Variants in IFT22 observed in about 807,000 individuals in gnomAD.
The protein encoded by IFT22 is intraflagellar transport 22, also known as intraflagellar transport protein 22 homolog.
In IFT22, 13 loss-of-function variants were observed where a neutral mutation model predicts 21.0. The ratio of observed to expected loss-of-function variants is 0.62; its 90% CI spans 0.40 to 0.98. The LOEUF is 0.98. IFT22 is among the 50% of genes least tolerant of loss of function. The pLI, the probability that IFT22 is intolerant of heterozygous loss-of-function variation, is 0.00. For synonymous variants in IFT22, 67 were observed against 82.4 expected (o/e 0.81, Z 1.01); for missense variants, 227 against 228.9 (o/e 0.99, Z 0.06).
At chr7:101,319,641 C>CTTTTTT (rs11443697) in intron 1 of IFT22, among the ~76,000 whole-genome samples, 6 of 111,766 alleles carry the variant, frequency 5.4e-5, no homozygotes, top group East Asian at 2.8e-4. Context: ...ATACACATTG[C>CTTTTTT]TTTTTTTTTT....
At chr7:101,316,611 G>T (rs1172466875) in intron 3 of IFT22, 69 bp from the exon 4 acceptor site, 15 of 1,500,170 alleles carry the variant, frequency 1.0e-5, no homozygotes, top group African/African-American at 1.4e-5. Flanking sequence ...ACTTTAAAAA[G>T]AATATCTTAG....
chr7:101,318,923 G>C, intron 2 of IFT22, 33 bp downstream of exon 2: 1 of 1,551,860 alleles, frequency 6.4e-7, no homozygotes, highest in Non-Finnish European at 8.9e-7. Flanking sequence ...GAGCCAGTTG[G>C]ACACTCTGGG....
At chr7:101,315,612 C>A in intron 4 of IFT22, 1 of 282,304 alleles carries the variant, frequency 3.5e-6, no homozygotes, top group East Asian at 1.0e-4. Flanking sequence ...GGAGGTTTTT[C>A]TCCAGAAAAG....
chr7:101,312,530 GTTGTTT>G lies in IFT22; in HGVS notation c.*2598_*2603del, dbSNP rs1487761640. 1.6e-5 allele frequency among the ~76,000 whole-genome samples: 2 copies of G among 126,604 alleles called. No individual in the cohort carries two copies. The highest frequency in any genetic ancestry group is 2.5e-4 in the East Asian group (1 of 4,070). 83.1% of individuals were successfully genotyped at this position (126,604 alleles called of 152,430 possible). A position where few individuals can be genotyped will look rare whatever the true frequency, so the allele number is the denominator to read the frequency against. On this transcript the variant is annotated 3_prime_UTR_variant, in exon 5 of 5. Transcript: ENST00000315322. ...AAATAAATATAATGTTTTGGAGAGA[GTTGTTT>G]TTTTTTTTTTTTTTTTTGTGACGGA...
In IFT22 at chr7:101,313,452, C is replaced by T. The variant is rs919243865; in HGVS notation, c.*1682G>A. 1 of 152,040 alleles carries T rather than the reference C, an allele frequency of 6.6e-6. No homozygotes were observed. The highest frequency in any genetic ancestry group is 1.5e-5 in the Non-Finnish European group (1 of 68,136). 9.4% of individuals were successfully genotyped at this position (152,040 alleles called of 1,614,324 possible). A position where few individuals can be genotyped will look rare whatever the true frequency, so the allele number is the denominator to read the frequency against. ...GCGGGTTCAGGCAATTCTGCCTCACCCTTCTGAGTAGCTGGGACTACAGGC... is the reference window on the plus strand; with the variant it reads ...GCGGGTTCAGGCAATTCTGCCTCACTCTTCTGAGTAGCTGGGACTACAGGC... On this transcript the variant is annotated 3_prime_UTR_variant, in exon 5 of 5. Coordinates refer to ENST00000315322, the MANE Select transcript of IFT22 (RefSeq NM_022777.4).
intron 1 of IFT22, chr7:101,321,394 C>A: frequency 2.1e-6 from 1 of 480,252 alleles, no homozygotes; most frequent in Non-Finnish European, 3.7e-6. Context: ...GTCACGAAAC[C>A]TAGGCTATGG....
chr7:101,311,026 C>T lies in IFT22; in HGVS notation c.*4108G>A. On this transcript the variant is annotated 3_prime_UTR_variant, in exon 5 of 5. Coordinates refer to ENST00000315322, the MANE Select transcript of IFT22 (RefSeq NM_022777.4). ...TTTTTTTTTTTGAGATGGAGTCTCG[C>T]TCTGTCGCCCAGGCTGGAGTGCAGT... The T allele has an allele frequency of 3.4e-6, 1 of 290,318 alleles. No individual in the cohort carries two copies. Among genetic ancestry groups the T allele is most frequent in the Non-Finnish European group, 6.6e-6 (1 of 150,436 alleles). The allele number at this position is 290,318 out of a possible 1,614,324, so 18.0% of individuals were successfully genotyped here.
Position 101,316,534 on chromosome 7 carries a change from G to A in IFT22, c.215C>T (p.Ser72Phe). ...WDCGGDAKFESCWPALMKDAH... is the reference protein window; with the variant it reads ...WDCGGDAKFEFCWPALMKDAH... Reference sequence around the variant, plus strand: ...ATCCTTCATCAGGGCCGGCCAGCAGGACTCAAACCTGCGAGGAAGAAAAGG... The same window carrying A: ...ATCCTTCATCAGGGCCGGCCAGCAGAACTCAAACCTGCGAGGAAGAAAAGG... The change falls in exon 4 of 5, where the codon TCC (serine) becomes TTC (phenylalanine). Residue 72 changes from serine (S) to phenylalanine (F), a missense_variant. By Grantham distance (155) the Ser-to-Phe change is radical. Transcript: ENST00000315322. 5.0e-6 allele frequency: 8 copies of A among 1,613,996 alleles called. No individual in the cohort carries two copies. Among genetic ancestry groups the A allele is most frequent in the Non-Finnish European group, 5.9e-6 (7 of 1,179,946 alleles).
chr7:101,318,519 CAAA>C (rs368413526), intron 2 of IFT22: 4 of 241,066 alleles, frequency 1.7e-5, no homozygotes, highest in Non-Finnish European at 3.2e-5. Flanking sequence ...GACTCCATCC[CAAA>C]AAAAAAAGAC....
intron 2 of IFT22, 96 bp downstream of exon 2, chr7:101,318,860 C>A: frequency 2.1e-6 from 2 of 967,036 alleles, no homozygotes; most frequent in Non-Finnish European, 1.7e-6. Flanking sequence ...TCAGGCGATC[C>A]TCCCGCTTTG....
intron 3 of IFT22, among the ~76,000 whole-genome samples, chr7:101,317,214 C>G (rs4729685): frequency 0.54 from 81,311 of 151,684 alleles, 22,484 homozygotes; most frequent in African/African-American, 0.67. Context: ...GCTTGAGTGC[C>G]GTAGCACGAT....
chr7:101,321,734 C>T lies in IFT22; in HGVS notation c.-25G>A, dbSNP rs750569015. 2 of 1,583,948 alleles carry T rather than the reference C, an allele frequency of 1.3e-6. No individual in the cohort carries two copies. The highest frequency in any genetic ancestry group is 1.7e-6 in the Non-Finnish European group (2 of 1,164,830). On this transcript the variant is annotated 5_prime_UTR_variant, in exon 1 of 5. Transcript: ENST00000315322. ...TAGTTGTCCGCCGCGGCTTAGCCGG[C>T]CGGAGCCCACGGGAGGCGGCGCGTC... is the stretch of plus-strand genomic sequence containing the variant.
In IFT22 at chr7:101,316,443, C is replaced by G. The variant is rs1387440009; in HGVS notation, c.306G>C (p.Trp102Cys). Residue 102 changes from tryptophan (W) to cysteine (C), a missense_variant, in exon 4 of 5, where the codon TGG becomes TGC. Coordinates refer to ENST00000315322, the MANE Select transcript of IFT22 (RefSeq NM_022777.4). Reference protein sequence around the residue: ...IPSHRKEMEMWYSCFVQQPSL... With the variant: ...IPSHRKEMEMCYSCFVQQPSL... ...ACGGCTGTTGGACAAAGCAGGAATA[C>G]CACATCTCCATTTCCTTCCGGTGGC... 6.2e-7 allele frequency: 1 copy of G among 1,614,138 alleles called. No homozygotes were observed. Among genetic ancestry groups the G allele is most frequent in the Admixed American group, 1.7e-5 (1 of 60,002 alleles).
intron 2 of IFT22, chr7:101,318,428 G>A (rs560049090): frequency 1.1e-4 from 43 of 402,422 alleles, no homozygotes; most frequent in African/African-American, 7.3e-4. Context: ...GCTAAGGCAG[G>A]AGAATCGCTT....
chr7:101,311,154 C>T lies in IFT22; in HGVS notation c.*3980G>A, dbSNP rs1006741087. The stretch of plus-strand genomic sequence containing the variant: ...GACTACAGGTGCCCGCCACCACACC[C>T]GGCTTATTTTTTGTATTTTTAGTAG... On this transcript the variant is annotated 3_prime_UTR_variant, in exon 5 of 5. Coordinates refer to ENST00000315322, the MANE Select transcript of IFT22 (RefSeq NM_022777.4). Among the ~76,000 whole-genome samples the T allele has an allele frequency of 4.6e-5, 7 of 151,876 alleles. No individual in the cohort carries two copies. Among genetic ancestry groups the T allele is most frequent in the Non-Finnish European group, 8.8e-5 (6 of 67,970 alleles).
intron 1 of IFT22, among the ~76,000 whole-genome samples, chr7:101,321,155 CAA>C (rs1003203619): frequency 2.0e-5 from 3 of 151,582 alleles, no homozygotes; most frequent in Non-Finnish European, 2.9e-5. Flanking sequence ...AAAAACAAAA[CAA>C]AACAAAAACA....
chr7:101,316,271 A>ACATG (rs752252869), intron 4 of IFT22, 69 bp downstream of exon 4: 1 of 1,459,796 alleles, frequency 6.9e-7, no homozygotes, highest in Non-Finnish European at 9.6e-7. Flanking sequence ...GGTTTCTAGG[A>ACATG]CATGGGACAA....
intron 3 of IFT22, 76 bp from the exon 4 acceptor site, chr7:101,316,618 T>G (rs1184390104): frequency 1.3e-6 from 2 of 1,483,518 alleles, no homozygotes; most frequent in Non-Finnish European, 1.9e-6. Context: ...AAAGAATATC[T>G]TAGTATTAAA....
chr7:101,321,533 C>T, intron 1 of IFT22, 138 bp downstream of exon 1: 3 of 798,396 alleles, frequency 3.8e-6, no homozygotes, highest in East Asian at 5.8e-5. Flanking sequence ...AGGGCAGGGG[C>T]GCCAGTCGGG....
Sources: gnomAD v4.1 joint callset for allele counts (sites outside exome capture counted in the v4.1 genomes callset) on GRCh38, gnomAD v4.1.1 for gene constraint, MANE v1.5 for transcripts, NCBI Gene and HGNC (gene_info 2026-07-23, HGNC 2026-07-21) for gene names.